TMEM165: variants seen among roughly 807,000 people sequenced by gnomAD.
The protein encoded by TMEM165 is putative divalent cation/proton antiporter TMEM165.
A neutral mutation model predicts 30.0 loss-of-function variants in TMEM165; 19 were observed. That is an observed-to-expected ratio of 0.63 (90% confidence interval 0.44 to 0.93). TMEM165 has a LOEUF of 0.93. TMEM165 is among the 40% of genes least tolerant of loss of function. The pLI is 0.00. For synonymous variants in TMEM165, 168 were observed against 162.9 expected (o/e 1.03, Z -0.24); for missense variants, 340 against 417.0 (o/e 0.82, Z 1.61).
intron 3 of TMEM165, chr4:55,444,839 T>A: frequency 6.5e-7 from 1 of 1,549,772 alleles, no homozygotes; most frequent in Non-Finnish European, 8.8e-7. Flanking sequence ...ACTTACTCCT[T>A]ATAATTGCAC....
chr4:55,417,094 A>G lies in TMEM165; in HGVS notation c.456A>G (p.Thr152=), dbSNP rs1721763248. The G allele has an allele frequency of 6.2e-7, 1 of 1,601,606 alleles. No individual in the cohort carries two copies. The highest frequency in any genetic ancestry group is 2.3e-5 in the East Asian group (1 of 44,398). ...CLSVLFGYAT[T]VIPRVYTYYV... ...CAGTTTTGTTTGGCTATGCCACCAC[A>G]GTCATCCCCAGGGTCTATACATACT... Residue 152 remains threonine (T), a synonymous_variant, in exon 3 of 6, where the codon ACA becomes ACG. Transcript: ENST00000381334.
chr4:55,403,462 A>G (rs1721121486), intron 1 of TMEM165: 1 of 272,962 alleles, frequency 3.7e-6, no homozygotes, highest in African/African-American at 2.4e-5. Context: ...AAAGTATAAA[A>G]GAATACTTTC....
intron 1 of TMEM165, among the ~76,000 whole-genome samples, chr4:55,406,694 C>G (rs1318670859): frequency 2.6e-5 from 4 of 152,086 alleles, no homozygotes; most frequent in Non-Finnish European, 5.9e-5. Flanking sequence ...GGGTCTCACT[C>G]TGTTGCCCAG....
In TMEM165 at chr4:55,425,580, CATT is replaced by C; in HGVS notation, c.*134_*136del. On this transcript the variant is annotated 3_prime_UTR_variant, in exon 6 of 6. Transcript: ENST00000381334. The stretch of plus-strand genomic sequence containing the variant: ...TAGCACTGATTTTGTGAGTTTGACC[CATT>C]ATTATGTCTGAGATATAATCATTGA... 1.5e-6 allele frequency: 1 copy of C among 688,568 alleles called. No homozygotes were observed. Among genetic ancestry groups the C allele is most frequent in the East Asian group, 2.8e-5 (1 of 35,414 alleles). 42.7% of individuals were successfully genotyped at this position (688,568 alleles called of 1,614,324 possible). A position where few individuals can be genotyped will look rare whatever the true frequency, so the allele number is the denominator to read the frequency against.
intron 3 of TMEM165, among the ~76,000 whole-genome samples, chr4:55,451,554 C>T (rs561125248): frequency 1.7e-4 from 26 of 152,258 alleles, no homozygotes; most frequent in Non-Finnish European, 3.1e-4. Flanking sequence ...CGTCCCTAAA[C>T]CCCAGGGGGA....
intron 1 of TMEM165, among the ~76,000 whole-genome samples, chr4:55,408,134 A>T (rs1721345520): frequency 6.6e-6 from 1 of 152,212 alleles, no homozygotes; most frequent in East Asian, 1.9e-4. Context: ...TATTTTAATT[A>T]AAAAAGATCT....
chr4:55,408,516 AC>A (rs1165413476), intron 1 of TMEM165, among the ~76,000 whole-genome samples: 9 of 152,364 alleles, frequency 5.9e-5, no homozygotes, highest in African/African-American at 1.9e-4. Context: ...ATATAAAAAA[AC>A]ATAGAAAAGG....
intron 4 of TMEM165, chr4:55,424,156 C>T (rs1295928975): frequency 5.8e-6 from 1 of 172,038 alleles, no homozygotes; most frequent in Non-Finnish European, 1.2e-5. Context: ...CTGAGTTTCT[C>T]CTAATACCAA....
At chr4:55,406,850 C>A (rs1177080682) in intron 1 of TMEM165, among the ~76,000 whole-genome samples, 1 of 151,992 alleles carries the variant, frequency 6.6e-6, no homozygotes, top group Non-Finnish European at 1.5e-5. Flanking sequence ...TTTGTAGAGA[C>A]AGGGTCTCAC....
intron 3 of TMEM165, among the ~76,000 whole-genome samples, chr4:55,451,781 C>T (rs965490317): frequency 6.6e-6 from 1 of 152,290 alleles, no homozygotes; most frequent in Admixed American, 6.5e-5. Flanking sequence ...TCTACCAAAA[C>T]ATACTATGTC....
rs61744839 is a variant in TMEM165 at position 55,417,905 on chromosome 4, G to A, written c.712G>A (p.Val238Ile). The A allele has an allele frequency of 7.4e-6, 12 of 1,613,814 alleles. No homozygotes were observed. The highest frequency in any genetic ancestry group is 1.0e-5 in the Non-Finnish European group (12 of 1,179,962). The change falls in exon 4 of 6, where the codon GTT becomes ATT. Residue 238 changes from valine (V) to isoleucine (I), a missense_variant. Transcript: ENST00000381334. Reference sequence around the variant, plus strand: ...GTTGCATTTTATTTCACCCATTTTTGTTCAAGCTCTTACATTAACATTCTT... The same window carrying A: ...GTTGCATTTTATTTCACCCATTTTTATTCAAGCTCTTACATTAACATTCTT... Reference protein sequence around the residue: ...KWLHFISPIFVQALTLTFLAE... With the variant: ...KWLHFISPIFIQALTLTFLAE...
chr4:55,418,093 C>A, intron 4 of TMEM165, 108 bp downstream of exon 4: 2 of 1,053,740 alleles, frequency 1.9e-6, no homozygotes, highest in Non-Finnish European at 2.7e-6. Context: ...CCTTCATATG[C>A]AAGACTGTTT....
chr4:55,421,856 C>T (rs1471408956), intron 4 of TMEM165, among the ~76,000 whole-genome samples: 2 of 152,106 alleles, frequency 1.3e-5, no homozygotes, highest in Non-Finnish European at 2.9e-5. Context: ...TTTTGCCTTT[C>T]TCCCAGCCGT....
chr4:55,444,521 G>T, intron 3 of TMEM165: 1 of 1,273,666 alleles, frequency 7.9e-7, no homozygotes, highest in Non-Finnish European at 1.1e-6. Flanking sequence ...TTATTGAACT[G>T]AATTGATAAA....
intron 3 of TMEM165, among the ~76,000 whole-genome samples, chr4:55,444,360 A>C (rs1450632645): frequency 6.6e-6 from 1 of 152,182 alleles, no homozygotes; most frequent in Non-Finnish European, 1.5e-5. Flanking sequence ...GTAAAATATA[A>C]TTTTTATATT....
In TMEM165 at chr4:55,396,149, TC is replaced by T; in HGVS notation, c.-39del. 1 of 1,326,732 alleles carries T rather than the reference TC, an allele frequency of 7.5e-7. No individual in the cohort carries two copies. The highest frequency in any genetic ancestry group is 9.5e-7 in the Non-Finnish European group (1 of 1,050,186). 82.2% of individuals were successfully genotyped at this position (1,326,732 alleles called of 1,614,324 possible). ...GTCGAGGCTTCCCGTCGCCGGCACT[TC>T]CTCTTGCGGCGCCCGTGCGCGGCCG... On this transcript the variant is annotated 5_prime_UTR_variant, in exon 1 of 6. Coordinates refer to ENST00000381334, the MANE Select transcript of TMEM165 (RefSeq NM_018475.5).
chr4:55,405,144 A>G (rs1721220383), intron 1 of TMEM165, among the ~76,000 whole-genome samples: 1 of 152,094 alleles, frequency 6.6e-6, no homozygotes, highest in African/African-American at 2.4e-5. Flanking sequence ...TGGAAATCTC[A>G]TCTACTTGCA....
chr4:55,408,998 T>C (rs73151816), intron 1 of TMEM165, among the ~76,000 whole-genome samples: 2,061 of 151,606 alleles, frequency 0.014, 45 homozygotes, highest in African/African-American at 0.048. Context: ...GGGGGCTTGC[T>C]CCATCACCCA....
At chr4:55,437,530 A>G (rs1330661509) in intron 3 of TMEM165, among the ~76,000 whole-genome samples, 2 of 152,204 alleles carry the variant, frequency 1.3e-5, no homozygotes, top group African/African-American at 2.4e-5. Context: ...ATCTGTGTCT[A>G]TATTTTGGCT....
Sources: gnomAD v4.1 joint callset for allele counts (sites outside exome capture counted in the v4.1 genomes callset) on GRCh38, gnomAD v4.1.1 for gene constraint, MANE v1.5 for transcripts, NCBI Gene and HGNC (gene_info 2026-07-23, HGNC 2026-07-21) for gene names.